Variants in RIMS2 observed in about 807,000 individuals in gnomAD.
RIMS2 encodes regulating synaptic membrane exocytosis protein 2.
Under a neutral mutation model 174.4 loss-of-function variants are expected in RIMS2, and 59 were observed. That is an observed-to-expected ratio of 0.34 (90% CI 0.27 to 0.42). The LOEUF is 0.42. Among genes scored for constraint, RIMS2 ranks in the 10% least tolerant of loss-of-function variants. The probability of loss-of-function intolerance (pLI) is 1.00; values close to 1 mark genes in which losing one functional copy is unlikely to be tolerated. For missense variants in RIMS2, 1,620 were observed against 1,666.3 expected, an observed-to-expected ratio of 0.97 and a Z score of 0.48; for synonymous variants, 606 against 572.5, an observed-to-expected ratio of 1.06 and a Z score of -0.84.
intron 10 of RIMS2, chr8:103,927,766 T>C (rs2079059744): frequency 2.1e-6 from 2 of 951,782 alleles, no homozygotes; most frequent in Non-Finnish European, 1.7e-6. Context: ...TTGTTTTTAC[T>C]TTTGGTCTTT....
At chr8:103,817,813 G>A (rs2098727353) in intron 3 of RIMS2, among the ~76,000 whole-genome samples, 1 of 151,876 alleles carries the variant, frequency 6.6e-6, no homozygotes. Context: ...AATAAATAAA[G>A]CATCAGTTTC....
At chr8:103,885,966 A>G (rs1212650461) in exon 4 of RIMS2, 2 of 1,613,106 alleles carry the variant, frequency 1.2e-6, no homozygotes, top group South Asian at 2.2e-5. Context: ...TCACTACGGA[A>G]ACAGCACCAC....
At chr8:103,881,504 T>C (rs577687164) in intron 3 of RIMS2, among the ~76,000 whole-genome samples, 10 of 151,618 alleles carry the variant, frequency 6.6e-5, no homozygotes, top group Non-Finnish European at 1.2e-4. Flanking sequence ...AATCTGGAAG[T>C]GATTTTAATT....
At chr8:103,933,288 GACACACACACACACACACACACACAC>G (rs55909886) in intron 12 of RIMS2, among the ~76,000 whole-genome samples, 1 of 119,706 alleles carries the variant, frequency 8.4e-6, no homozygotes, top group African/African-American at 3.5e-5. Context: ...TCGAGACTCT[GACACACACACACACACACACACACAC>G]ACACACACAC....
intron 19 of RIMS2, among the ~76,000 whole-genome samples, chr8:104,151,140 A>T (rs75964230): frequency 0.025 from 3,775 of 152,312 alleles, 157 homozygotes; most frequent in East Asian, 0.15. Flanking sequence ...TAAAGAGCAA[A>T]ATTAGTAGTC....
intron 1 of RIMS2, among the ~76,000 whole-genome samples, chr8:103,596,681 C>T (rs182727947): frequency 2.6e-5 from 4 of 151,592 alleles, no homozygotes; most frequent in Non-Finnish European, 5.9e-5. Context: ...TATTACTTGT[C>T]AATAAAAAAT....
chr8:103,816,714 C>T (rs190655802), intron 3 of RIMS2, among the ~76,000 whole-genome samples: 1 of 152,254 alleles, frequency 6.6e-6, no homozygotes, highest in East Asian at 1.9e-4. Flanking sequence ...TAGAAGAAAG[C>T]TGCTCACTAG....
intron 19 of RIMS2, among the ~76,000 whole-genome samples, chr8:104,159,581 A>AT (rs891045271): frequency 1.3e-4 from 20 of 151,754 alleles, no homozygotes; most frequent in Non-Finnish European, 2.6e-4. Context: ...CCAATACTTA[A>AT]TTTTTTTTGT....
chr8:104,190,821 T>C (rs2098993781), intron 19 of RIMS2, among the ~76,000 whole-genome samples: 1 of 152,126 alleles, frequency 6.6e-6, no homozygotes, highest in South Asian at 2.1e-4. Flanking sequence ...AAAGATATAA[T>C]TGCTACTGGC....
intron 19 of RIMS2, among the ~76,000 whole-genome samples, chr8:104,209,717 A>C (rs981042054): frequency 2.6e-5 from 4 of 152,202 alleles, no homozygotes; most frequent in African/African-American, 9.6e-5. Flanking sequence ...AAATTTTGTT[A>C]AATAAATGAA....
intron 3 of RIMS2, among the ~76,000 whole-genome samples, chr8:103,801,424 G>A (rs1186481843): frequency 6.6e-6 from 1 of 152,120 alleles, no homozygotes; most frequent in Admixed American, 6.5e-5. Context: ...TTATTCTAGG[G>A]TTGTCTAAAT....
chr8:104,057,151 C>T (rs975600325), intron 19 of RIMS2, among the ~76,000 whole-genome samples: 4 of 150,416 alleles, frequency 2.7e-5, no homozygotes, highest in Non-Finnish European at 5.9e-5. Flanking sequence ...ACTGCAGCTT[C>T]AACCTCTTGA....
In RIMS2 at chr8:103,634,912, T is replaced by G. The variant is rs185676304; in HGVS notation, c.177-62174T>G. 6.6e-5 allele frequency among the ~76,000 whole-genome samples: 10 copies of G among 152,302 alleles called. No individual in the cohort carries two copies. In the East Asian group the frequency reaches 1.9e-3, roughly 29 times the overall value. On this transcript the variant is annotated intron_variant, in intron 1 of 23. Coordinates refer to ENST00000504942, the Ensembl canonical transcript of RIMS2. ...TCCCTTTATTCTGAGCCTATGAGTG[T>G]CATTATGTGTGAGATGGGCCTCTTG... is the stretch of plus-strand genomic sequence containing the variant.
chr8:103,727,328 C>T (rs924206518), intron 2 of RIMS2, among the ~76,000 whole-genome samples: 1 of 152,102 alleles, frequency 6.6e-6, no homozygotes, highest in Non-Finnish European at 1.5e-5. Context: ...ACTTATGAAA[C>T]TAGAATAATC....
chr8:103,690,264 G>A (rs1022743787), intron 1 of RIMS2, among the ~76,000 whole-genome samples: 10 of 151,960 alleles, frequency 6.6e-5, no homozygotes, highest in Non-Finnish European at 8.8e-5. Flanking sequence ...GCTCCTGGCC[G>A]CATGTGTCTT....
chr8:104,137,658 C>G (rs1296174728), intron 19 of RIMS2, among the ~76,000 whole-genome samples: 1 of 152,064 alleles, frequency 6.6e-6, no homozygotes, highest in Non-Finnish European at 1.5e-5. Flanking sequence ...TTCTTGACAT[C>G]CTCACTGAAT....
At chr8:104,051,715 G>A (rs12549891) in intron 19 of RIMS2, among the ~76,000 whole-genome samples, 22,125 of 152,026 alleles carry the variant, frequency 0.15, 1,808 homozygotes, top group Non-Finnish European at 0.17. Flanking sequence ...CAATATTTTT[G>A]ATCATAAGTT....
At chr8:103,838,479 T>C (rs2098917901) in intron 3 of RIMS2, among the ~76,000 whole-genome samples, 1 of 152,174 alleles carries the variant, frequency 6.6e-6, no homozygotes, top group African/African-American at 2.4e-5. Context: ...ATTTCCTGCC[T>C]CTTAGCATAA....
rs183938942 is a variant in RIMS2, at chr8:103,554,285, T to C, written c.176+53223T>C. Among the ~76,000 whole-genome samples, 262 of 152,316 alleles carry C rather than the reference T, an allele frequency of 1.7e-3. 3 individuals are homozygous for C. The highest frequency in any genetic ancestry group is 6.0e-3 in the African/African-American group (250 of 41,576). On this transcript the variant is annotated intron_variant, in intron 1 of 23. Coordinates refer to ENST00000504942, the Ensembl canonical transcript of RIMS2. ...AGAATGGGAGAAAATATTTGCATACTATGCATCCAGCAAAGGTCTACTATC... is the reference window on the plus strand; with the variant it reads ...AGAATGGGAGAAAATATTTGCATACCATGCATCCAGCAAAGGTCTACTATC...
Sources: gnomAD v4.1 joint callset for allele counts (sites outside exome capture counted in the v4.1 genomes callset) on GRCh38, gnomAD v4.1.1 for gene constraint, MANE v1.5 for transcripts, NCBI Gene and HGNC (gene_info 2026-07-23, HGNC 2026-07-21) for gene names.